Variants in PDS5B observed in about 807,000 individuals in gnomAD.
PDS5B encodes the protein PDS5 cohesin associated factor B.
A neutral mutation model predicts 184.1 loss-of-function variants in PDS5B; 51 were observed. The observed-to-expected ratio is 0.28, with a 90% CI of 0.22 to 0.35. The LOEUF (loss-of-function observed/expected upper bound fraction) is 0.35, where lower values mean the gene tolerates loss of function less well. PDS5B is among the 10% of genes least tolerant of loss of function. The probability of loss-of-function intolerance (pLI) is 1.00; values close to 1 mark genes in which losing one functional copy is unlikely to be tolerated. For missense variants in PDS5B, 1,180 were observed against 1,723.3 expected (o/e 0.68, Z 5.58); for synonymous variants, 566 against 569.2 (o/e 0.99, Z 0.08).
intron 1 of PDS5B, among the ~76,000 whole-genome samples, chr13:32,604,388 C>T (rs192476972): frequency 2.0e-4 from 30 of 152,228 alleles, no homozygotes; most frequent in African/African-American, 5.1e-4. Flanking sequence ...TATTGATTTG[C>T]GTATATTGAA....
At chr13:32,670,910 T>C (rs1411735753) in intron 7 of PDS5B, among the ~76,000 whole-genome samples, 4 of 152,216 alleles carry the variant, frequency 2.6e-5, no homozygotes, top group African/African-American at 7.2e-5. Context: ...GCCATGTAAA[T>C]GTAAGGTAGA....
At chr13:32,628,553 A>G (rs554288546) in intron 1 of PDS5B, among the ~76,000 whole-genome samples, 87 of 53,618 alleles carry the variant, frequency 1.6e-3, no homozygotes, top group Non-Finnish European at 2.4e-3. Flanking sequence ...CATCTCAGGG[A>G]AAAAAAAAAA....
At chr13:32,761,792 A>G (rs1247393201) in intron 30 of PDS5B, among the ~76,000 whole-genome samples, 2 of 152,124 alleles carry the variant, frequency 1.3e-5, no homozygotes, top group Non-Finnish European at 2.9e-5. Context: ...TTTTTGGTGT[A>G]ATGATCTATT....
intron 1 of PDS5B, among the ~76,000 whole-genome samples, chr13:32,613,874 T>C (rs1414316339): frequency 6.6e-6 from 1 of 152,228 alleles, no homozygotes; most frequent in Non-Finnish European, 1.5e-5. Flanking sequence ...TTTTAGCTCT[T>C]ATATTTAGGT....
chr13:32,625,626 A>G (rs1288327674), intron 1 of PDS5B, among the ~76,000 whole-genome samples: 2 of 152,114 alleles, frequency 1.3e-5, no homozygotes, highest in East Asian at 1.9e-4. Flanking sequence ...TTGAGAAGTC[A>G]TTGAAATAAT....
chr13:32,751,524 A>AT (rs1171051785), intron 24 of PDS5B, among the ~76,000 whole-genome samples: 1 of 152,078 alleles, frequency 6.6e-6, no homozygotes, highest in Non-Finnish European at 1.5e-5. Flanking sequence ...AGCATCTATT[A>AT]TTTTTTGGCT....
chr13:32,753,643 A>T, intron 25 of PDS5B, 107 bp downstream of exon 25: 1 of 693,916 alleles, frequency 1.4e-6, no homozygotes, highest in African/African-American at 1.8e-5. Flanking sequence ...TTTGTGATTA[A>T]CAATTTTTAT....
At chr13:32,607,713 T>G (rs1287906705) in intron 1 of PDS5B, among the ~76,000 whole-genome samples, 1 of 152,160 alleles carries the variant, frequency 6.6e-6, no homozygotes, top group Non-Finnish European at 1.5e-5. Context: ...CTCCACCCAG[T>G]TCGAGCTTCC....
intron 1 of PDS5B, among the ~76,000 whole-genome samples, chr13:32,610,875 GTGTTATT>G (rs1342352969): frequency 5.3e-5 from 8 of 152,192 alleles, no homozygotes; most frequent in Admixed American, 5.2e-4. Context: ...TAGGTACTCA[GTGTTATT>G]CCTCTCCTCT....
At chr13:32,722,226 C>G (rs975414535) in intron 19 of PDS5B, among the ~76,000 whole-genome samples, 15 of 152,358 alleles carry the variant, frequency 9.8e-5, no homozygotes, top group Admixed American at 6.5e-4. Flanking sequence ...CGTGGCGGCG[C>G]ACGCCTGCAA....
At position 32,696,886 on chromosome 13, in the gene PDS5B, A is replaced by G; in HGVS notation, c.1584A>G (p.Lys528=). 1 of 1,576,972 alleles carries G rather than the reference A, an allele frequency of 6.3e-7. No homozygotes were observed. The highest frequency in any genetic ancestry group is 8.7e-7 in the Non-Finnish European group (1 of 1,151,710). ...TDASVKAIFS[K]VMVITRNLPD... Reference sequence around the variant, plus strand: ...CCAGTGTCAAGGCCATATTTTCAAAAGTGATGGTTATTACAAGTAAGTTAT... The same window carrying G: ...CCAGTGTCAAGGCCATATTTTCAAAGGTGATGGTTATTACAAGTAAGTTAT... The change falls in exon 15 of 35, where the codon AAA becomes AAG. Residue 528 remains lysine (K), a synonymous_variant. Coordinates refer to ENST00000315596, the MANE Select transcript of PDS5B (RefSeq NM_015032.4).
intron 6 of PDS5B, among the ~76,000 whole-genome samples, chr13:32,662,776 A>G (rs1483132750): frequency 6.6e-6 from 1 of 152,190 alleles, no homozygotes; most frequent in African/African-American, 2.4e-5. Context: ...TTAGTGAAAT[A>G]GAAAACACAG....
In PDS5B at chr13:32,777,790, A is replaced by G. The variant is rs182266886; in HGVS notation, c.*2738A>G. On this transcript the variant is annotated 3_prime_UTR_variant, in exon 35 of 35. Coordinates refer to ENST00000315596, the MANE Select transcript of PDS5B (RefSeq NM_015032.4). ...GGCTGTAAAACTTATTCCAGGTATT[A>G]AAGGTTAAATTGCTTTCTATATCTT... 27 of 152,532 alleles carry G rather than the reference A, an allele frequency of 1.8e-4. No individual in the cohort carries two copies. Among genetic ancestry groups the G allele is most frequent in the Admixed American group, 1.7e-3 (26 of 15,286 alleles). 9.4% of individuals were successfully genotyped at this position (152,532 alleles called of 1,614,324 possible).
At chr13:32,750,847 CTGTG>C (rs71194534) in intron 24 of PDS5B, among the ~76,000 whole-genome samples, 22,245 of 143,382 alleles carry the variant, frequency 0.16, 1,858 homozygotes, top group East Asian at 0.41. Flanking sequence ...CGGCCTCCCT[CTGTG>C]TGTGTGTGTG....
chr13:32,746,297 T>A (rs929477809), intron 24 of PDS5B, among the ~76,000 whole-genome samples, 197 bp downstream of exon 24: 6 of 152,338 alleles, frequency 3.9e-5, no homozygotes, highest in Admixed American at 6.5e-5. Context: ...ACAGTTGATC[T>A]TCTTCTTTGT....
intron 23 of PDS5B, among the ~76,000 whole-genome samples, chr13:32,745,106 G>A (rs530263057): frequency 2.6e-5 from 4 of 152,150 alleles, no homozygotes; most frequent in African/African-American, 7.2e-5. Flanking sequence ...TTTAGCAGTT[G>A]TCTTTCCTTG....
intron 2 of PDS5B, 109 bp from the exon 3 acceptor site, chr13:32,651,695 G>C (rs1426343366): frequency 1.6e-6 from 1 of 623,108 alleles, no homozygotes; most frequent in Non-Finnish European, 2.8e-6. Context: ...GCAGAAAAAT[G>C]AAAGTATATT....
intron 1 of PDS5B, among the ~76,000 whole-genome samples, chr13:32,628,743 G>A (rs1294085268): frequency 1.4e-4 from 21 of 151,732 alleles, no homozygotes; most frequent in Admixed American, 1.1e-3. Flanking sequence ...TTTCCCACTC[G>A]TTAGTACATT....
chr13:32,663,556 A>G (rs756711460), intron 6 of PDS5B, among the ~76,000 whole-genome samples: 2 of 152,210 alleles, frequency 1.3e-5, no homozygotes, highest in African/African-American at 2.4e-5. Flanking sequence ...ATAACTTAGC[A>G]AATTTGAAAT....
Sources: allele counts gnomAD v4.1 joint callset (sites outside exome capture counted in the v4.1 genomes callset), GRCh38; gene constraint gnomAD v4.1.1; transcripts MANE v1.5; gene names NCBI Gene and HGNC (gene_info 2026-07-23, HGNC 2026-07-21).